The following FOXP2 variants were observed in gnomAD, a reference collection of about 807,000 sequenced individuals.
The protein encoded by FOXP2 is forkhead box P2.
In FOXP2, 12 loss-of-function variants were observed where a neutral mutation model predicts 115.8. The ratio of observed to expected loss-of-function variants is 0.10; its 90% CI spans 0.07 to 0.17. FOXP2 has a LOEUF of 0.17. Ranked by LOEUF, FOXP2 falls within the 10% of genes least tolerant of loss-of-function variation. FOXP2 has a pLI of 1.00. For missense variants in FOXP2, 629 were observed against 843.5 expected, an observed-to-expected ratio of 0.75 and a Z score of 3.15; for synonymous variants, 328 against 297.7, an observed-to-expected ratio of 1.10 and a Z score of -1.05.
chr7:114,297,396 A>T (rs771970287), intron 2 of FOXP2: 1 of 710,640 alleles, frequency 1.4e-6, no homozygotes, highest in Non-Finnish European at 2.4e-6. Flanking sequence ...GCCCTTGTTG[A>T]GGCCCACTGT....
At chr7:114,538,908 A>G (rs1325728886) in intron 3 of FOXP2, among the ~76,000 whole-genome samples, 3 of 151,882 alleles carry the variant, frequency 2.0e-5, no homozygotes, top group Non-Finnish European at 4.4e-5. Flanking sequence ...CGCAAATATA[A>G]TTCTGTATAT....
intron 1 of FOXP2, among the ~76,000 whole-genome samples, chr7:114,119,926 C>A (rs1791512886): frequency 6.6e-6 from 1 of 152,120 alleles, no homozygotes; most frequent in Non-Finnish European, 1.5e-5. Flanking sequence ...GATAAGACTT[C>A]TTACAAGCTC....
intron 2 of FOXP2, among the ~76,000 whole-genome samples, chr7:114,303,465 A>G (rs373515909): frequency 1.3e-5 from 2 of 152,190 alleles, no homozygotes; most frequent in East Asian, 3.9e-4. Flanking sequence ...GGCTTGTTTG[A>G]CCAAAGCACT....
At chr7:114,096,580 T>G (rs908438898) in intron 1 of FOXP2, among the ~76,000 whole-genome samples, 7 of 152,232 alleles carry the variant, frequency 4.6e-5, no homozygotes, top group Non-Finnish European at 8.8e-5. Flanking sequence ...CTCTTTGATA[T>G]CTTCCTAATT....
At chr7:114,464,343 A>C (rs1795715105) in intron 2 of FOXP2, among the ~76,000 whole-genome samples, 1 of 152,230 alleles carries the variant, frequency 6.6e-6, no homozygotes, top group Non-Finnish European at 1.5e-5. Context: ...ATGACCTTTA[A>C]AAAAGGAAAG....
At chr7:114,286,995 A>T (rs923691075) in intron 1 of FOXP2, among the ~76,000 whole-genome samples, 3 of 152,098 alleles carry the variant, frequency 2.0e-5, no homozygotes, top group African/African-American at 7.2e-5. Flanking sequence ...AAGTGATGCC[A>T]GTCATCCTTT....
intron 2 of FOXP2, among the ~76,000 whole-genome samples, chr7:114,514,519 A>G (rs906167569): frequency 2.6e-5 from 4 of 151,986 alleles, no homozygotes; most frequent in African/African-American, 7.2e-5. Flanking sequence ...TTGTCTTTCT[A>G]TTCCTGGTTT....
chr7:114,370,021 C>A (rs1791965695), intron 2 of FOXP2, among the ~76,000 whole-genome samples: 1 of 152,032 alleles, frequency 6.6e-6, no homozygotes, highest in Non-Finnish European at 1.5e-5. Flanking sequence ...TGATTTAACC[C>A]AAATACATAA....
chr7:114,103,765 C>G (rs1156978094), intron 1 of FOXP2, among the ~76,000 whole-genome samples: 1 of 151,932 alleles, frequency 6.6e-6, no homozygotes, highest in Non-Finnish European at 1.5e-5. Flanking sequence ...GTAAATTGAA[C>G]AAAATAATTT....
At chr7:114,176,637 T>C (rs925192157) in intron 1 of FOXP2, among the ~76,000 whole-genome samples, 2 of 151,258 alleles carry the variant, frequency 1.3e-5, no homozygotes, top group African/African-American at 2.4e-5. Flanking sequence ...CATGAGCCAC[T>C]GTACTGGCCC....
chr7:114,469,293 C>A (rs1562944938), intron 2 of FOXP2, among the ~76,000 whole-genome samples: 2 of 152,054 alleles, frequency 1.3e-5, no homozygotes, highest in Admixed American at 1.3e-4. Flanking sequence ...TATCCTATGT[C>A]ATATACAATA....
intron 2 of FOXP2, among the ~76,000 whole-genome samples, chr7:114,359,719 C>T (rs1232628059): frequency 6.6e-6 from 1 of 152,186 alleles, no homozygotes; most frequent in African/African-American, 2.4e-5. Flanking sequence ...TTGCATGCGG[C>T]CTGCAGCCCT....
intron 16 of FOXP2, among the ~76,000 whole-genome samples, chr7:114,681,148 G>A (rs1367689059): frequency 2.0e-5 from 3 of 152,042 alleles, no homozygotes; most frequent in Non-Finnish European, 4.4e-5. Flanking sequence ...GATATTAAAA[G>A]CCTCACTGTG....
chr7:114,330,550 A>G (rs1434958021), intron 2 of FOXP2, among the ~76,000 whole-genome samples: 2 of 150,726 alleles, frequency 1.3e-5, no homozygotes, highest in Non-Finnish European at 3.0e-5. Context: ...CATAATATAT[A>G]TAATGTGAAT....
intron 13 of FOXP2, among the ~76,000 whole-genome samples, chr7:114,659,907 G>T (rs2129341123): frequency 6.6e-6 from 1 of 152,204 alleles, no homozygotes; most frequent in South Asian, 2.1e-4. Flanking sequence ...GAGAAACGAG[G>T]GCCTGACACA....
chr7:114,173,854 GC>G, intron 1 of FOXP2, among the ~76,000 whole-genome samples: 1 of 151,880 alleles, frequency 6.6e-6, no homozygotes, highest in Non-Finnish European at 1.5e-5. Context: ...ATAAAGCAAT[GC>G]TTATAGTCTA....
At chr7:114,626,332 C>T (rs544681885) in intron 3 of FOXP2, among the ~76,000 whole-genome samples, 22 of 151,820 alleles carry the variant, frequency 1.4e-4, no homozygotes, top group African/African-American at 3.9e-4. Context: ...ACTGTAAACT[C>T]GTAGTGGTTT....
At chr7:114,332,392 A>T (rs1484079571) in intron 2 of FOXP2, among the ~76,000 whole-genome samples, 1 of 152,100 alleles carries the variant, frequency 6.6e-6, no homozygotes, top group African/African-American at 2.4e-5. Flanking sequence ...TCAGTAATGC[A>T]TTGTTGCTGC....
intron 1 of FOXP2, among the ~76,000 whole-genome samples, chr7:114,231,462 T>G (rs1584562636): frequency 1.3e-5 from 2 of 152,270 alleles, no homozygotes; most frequent in Admixed American, 1.3e-4. Flanking sequence ...CACATCGATT[T>G]CAAAACGTGT....
Sources: gnomAD v4.1 joint callset for allele counts (sites outside exome capture counted in the v4.1 genomes callset) on GRCh38, gnomAD v4.1.1 for gene constraint, MANE v1.5 for transcripts, NCBI Gene and HGNC (gene_info 2026-07-23, HGNC 2026-07-21) for gene names.